NRXN1: variants seen among roughly 807,000 people sequenced by gnomAD.
The protein encoded by NRXN1 is neurexin 1, also known as neurexin-1.
In NRXN1, 39 loss-of-function variants were observed where a neutral mutation model predicts 150.9. The observed-to-expected ratio is 0.26, with a 90% CI of 0.20 to 0.34. The LOEUF (loss-of-function observed/expected upper bound fraction) is 0.34. NRXN1 is among the 10% of genes least tolerant of loss of function. NRXN1 has a pLI of 1.00. For synonymous variants in NRXN1, 924 were observed against 757.0 expected (o/e 1.22, Z -3.62); for missense variants, 1,815 against 1,949.9 (o/e 0.93, Z 1.30).
intron 5 of NRXN1, among the ~76,000 whole-genome samples, chr2:50,856,795 A>G (rs1168856044): frequency 6.6e-6 from 1 of 152,100 alleles, no homozygotes; most frequent in Non-Finnish European, 1.5e-5. Context: ...GTATTTCAGA[A>G]CAATGGTTTA....
intron 17 of NRXN1, among the ~76,000 whole-genome samples, chr2:50,273,748 T>G (rs187256902): frequency 1.3e-5 from 2 of 152,270 alleles, no homozygotes; most frequent in East Asian, 3.9e-4. Context: ...AGATTATTAT[T>G]TATGCAGCCA....
At position 49,998,313 on chromosome 2, in the gene NRXN1, T is replaced by C. The variant is rs928690153; in HGVS notation, c.4129-54522A>G. ...ACCCGTGACTCCTGAAGTAGTACAATGAGAAGGATAACCTTCACCACTTGC... is the reference window on the plus strand; with the variant it reads ...ACCCGTGACTCCTGAAGTAGTACAACGAGAAGGATAACCTTCACCACTTGC... On this transcript the variant is annotated intron_variant, in intron 21 of 22. Coordinates refer to ENST00000401669, the MANE Select transcript of NRXN1 (RefSeq NM_001330078.2). 4.6e-5 allele frequency among the ~76,000 whole-genome samples: 7 copies of C among 152,164 alleles called. No individual in the cohort carries two copies. The East Asian group carries it at 5.8e-4, about 13-fold the overall frequency.
At chr2:50,472,554 G>C (rs2089601308) in intron 15 of NRXN1, 83 bp from the exon 16 acceptor site, 3 of 1,065,902 alleles carry the variant, frequency 2.8e-6, no homozygotes, top group Admixed American at 2.5e-5. Context: ...AAAACAGGGA[G>C]GTTTATTTTT....
intron 5 of NRXN1, among the ~76,000 whole-genome samples, chr2:50,868,193 A>C (rs1677242981): frequency 7.4e-6 from 1 of 134,976 alleles, no homozygotes. Flanking sequence ...ATATATGCAT[A>C]CACACACACA....
At chr2:50,172,898 T>C (rs112758251) in intron 18 of NRXN1, among the ~76,000 whole-genome samples, 3,040 of 152,154 alleles carry the variant, frequency 0.02, 98 homozygotes, top group African/African-American at 0.07. Context: ...ACTTGGGAGG[T>C]GGAGGTTACA....
At chr2:50,161,936 A>C (rs2059387987) in intron 18 of NRXN1, among the ~76,000 whole-genome samples, 1 of 152,134 alleles carries the variant, frequency 6.6e-6, no homozygotes, top group African/African-American at 2.4e-5. Context: ...AATTGAATTT[A>C]TGACACAAAA....
chr2:50,244,391 T>A (rs1404664917), intron 17 of NRXN1, among the ~76,000 whole-genome samples: 1 of 151,864 alleles, frequency 6.6e-6, no homozygotes, highest in Non-Finnish European at 1.5e-5. Flanking sequence ...TGATGTTCAT[T>A]GGTGTCGTAT....
intron 2 of NRXN1, among the ~76,000 whole-genome samples, chr2:51,019,038 G>C (rs765509217): frequency 6.6e-6 from 1 of 152,062 alleles, no homozygotes; most frequent in Non-Finnish European, 1.5e-5. Context: ...GTAAGAGTCT[G>C]CCACAACCCT....
chr2:50,590,945 C>A (rs1291277410), intron 8 of NRXN1, among the ~76,000 whole-genome samples: 1 of 152,116 alleles, frequency 6.6e-6, no homozygotes, highest in African/African-American at 2.4e-5. Flanking sequence ...AATATAACTC[C>A]CTGCCCTGAT....
intron 17 of NRXN1, among the ~76,000 whole-genome samples, chr2:50,316,838 A>T (rs964596557): frequency 6.6e-6 from 1 of 151,986 alleles, no homozygotes; most frequent in African/African-American, 2.4e-5. Context: ...TCAAAATATC[A>T]ATCAGAAAAC....
chr2:50,870,320 T>G (rs1677585201), intron 5 of NRXN1, among the ~76,000 whole-genome samples: 1 of 151,874 alleles, frequency 6.6e-6, no homozygotes, highest in African/African-American at 2.4e-5. Context: ...TGAGTAAAAT[T>G]TAGTCAATCA....
At chr2:50,777,323 A>G (rs1021591713) in intron 5 of NRXN1, among the ~76,000 whole-genome samples, 20 of 152,154 alleles carry the variant, frequency 1.3e-4, no homozygotes, top group African/African-American at 4.6e-4. Flanking sequence ...TATTTATGGT[A>G]TACAATTTTC....
At chr2:49,941,017 T>C (rs932409351) in intron 22 of NRXN1, among the ~76,000 whole-genome samples, 3 of 152,066 alleles carry the variant, frequency 2.0e-5, no homozygotes, top group African/African-American at 7.2e-5. Context: ...TGTCGTTAGA[T>C]AGAATCAGTA....
chr2:51,006,555 TAA>T (rs70958637), intron 2 of NRXN1, among the ~76,000 whole-genome samples: 16 of 150,846 alleles, frequency 1.1e-4, no homozygotes, highest in Non-Finnish European at 1.6e-4. Flanking sequence ...TAATAAAATT[TAA>T]AAAAAAAGAC....
At position 50,236,937 on chromosome 2, in the gene NRXN1, C is replaced by T. The variant is rs758837960; in HGVS notation, c.3398G>A (p.Gly1133Glu). The T allele has an allele frequency of 6.2e-7, 1 of 1,613,258 alleles. No homozygotes were observed. The highest frequency in any genetic ancestry group is 8.5e-7 in the Non-Finnish European group (1 of 1,179,558). ...GTTYIFSKGG[G>E]QITYKWPPND... ...AGGAGGCCACTTATACGTGATTTGT[C>T]CACCACCTTTGCTAAAGATATATGT... is the stretch of plus-strand genomic sequence containing the variant. Residue 1133 changes from glycine to glutamate, a missense_variant, in exon 18 of 23, where the codon GGA becomes GAA. Around this residue, in one of 6 missense-constraint regions of NRXN1, gnomAD observed 339 missense variants for 440.3 expected, o/e 0.77. Transcript: ENST00000401669.
At chr2:50,273,199 C>T (rs1250142275) in intron 17 of NRXN1, among the ~76,000 whole-genome samples, 1 of 152,154 alleles carries the variant, frequency 6.6e-6, no homozygotes, top group Non-Finnish European at 1.5e-5. Flanking sequence ...GATTCAAATA[C>T]ATTGGAGGAA....
chr2:50,199,584 ATAAG>A (rs2062018734), intron 18 of NRXN1, among the ~76,000 whole-genome samples: 2 of 151,364 alleles, frequency 1.3e-5, no homozygotes, highest in Non-Finnish European at 2.9e-5. Context: ...ACTGACATTA[ATAAG>A]TCAGTAATGA....
At chr2:50,533,161 T>C (rs2093163332) in intron 10 of NRXN1, among the ~76,000 whole-genome samples, 1 of 152,160 alleles carries the variant, frequency 6.6e-6, no homozygotes, top group Non-Finnish European at 1.5e-5. Context: ...GTTCCAGGTC[T>C]CCCTGCTTAG....
In NRXN1 at chr2:50,269,782, G is replaced by C. The variant is rs574385400; in HGVS notation, c.3365-32812C>G. Among the ~76,000 whole-genome samples, 10 of 152,272 alleles carry C rather than the reference G, an allele frequency of 6.6e-5. No individual in the cohort carries two copies. The South Asian group carries it at 1.9e-3, about 28-fold the overall frequency. ...CAAAAAAACAACTTTTAGGATGTGG[G>C]AAGCAGAGGTTCTGCTAACATAGAG... On this transcript the variant is annotated intron_variant, in intron 17 of 22. Coordinates refer to ENST00000401669, the MANE Select transcript of NRXN1 (RefSeq NM_001330078.2).
Sources: gnomAD v4.1 joint callset for allele counts (sites outside exome capture counted in the v4.1 genomes callset) on GRCh38, gnomAD v4.1.1 for gene constraint, gnomAD v4.1.1 regional missense constraint, MANE v1.5 for transcripts, NCBI Gene and HGNC (gene_info 2026-07-23, HGNC 2026-07-21) for gene names.